Variants in ANKRD12 observed in about 807,000 individuals in gnomAD.
ANKRD12 encodes ankyrin repeat domain-containing protein 12.
In ANKRD12, 85 loss-of-function variants were observed where a neutral mutation model predicts 183.4. The observed-to-expected ratio is 0.46, with a 90% CI of 0.39 to 0.56. The LOEUF (loss-of-function observed/expected upper bound fraction) is 0.56. Ranked by LOEUF, ANKRD12 falls within the 20% of genes least tolerant of loss-of-function variation. The probability of loss-of-function intolerance (pLI) is 0.00; values close to 1 mark genes in which losing one functional copy is unlikely to be tolerated. For missense variants in ANKRD12, 2,405 were observed against 2,357.1 expected (o/e 1.02, Z -0.42); for synonymous variants, 914 against 800.2 (o/e 1.14, Z -2.40).
At chr18:9,156,766 C>T in intron 1 of ANKRD12, among the ~76,000 whole-genome samples, 1 of 152,092 alleles carries the variant, frequency 6.6e-6, no homozygotes, top group East Asian at 1.9e-4. Flanking sequence ...GAATATTACT[C>T]AGCTTTAAAA....
intron 8 of ANKRD12, among the ~76,000 whole-genome samples, chr18:9,253,661 C>T (rs1391127027): frequency 6.6e-6 from 1 of 152,146 alleles, no homozygotes; most frequent in Non-Finnish European, 1.5e-5. Flanking sequence ...CAGGTTATCT[C>T]TTCAGTATAC....
In ANKRD12 at chr18:9,157,635, C is replaced by T. The variant is rs868501949; in HGVS notation, c.-52+20670C>T. On this transcript the variant is annotated intron_variant, in intron 1 of 12. Coordinates refer to ENST00000262126, the MANE Select transcript of ANKRD12 (RefSeq NM_015208.5). ...TTTTTTTTTTTGAGATGGAGTCTTG[C>T]TCTGTCTCCCAGGCTGGAGTGCAGT... Among the ~76,000 whole-genome samples the T allele has an allele frequency of 2.6e-3, 321 of 123,708 alleles. 1 individual carries two copies. The highest frequency in any genetic ancestry group is 9.8e-3 in the African/African-American group (309 of 31,672). The allele number at this position is 123,708 out of a possible 152,430, so 81.2% of individuals were successfully genotyped here. A position where few individuals can be genotyped will look rare whatever the true frequency, so the allele number is the denominator to read the frequency against.
chr18:9,189,485 A>G (rs1269885683), intron 2 of ANKRD12, among the ~76,000 whole-genome samples: 3 of 152,252 alleles, frequency 2.0e-5, no homozygotes, highest in East Asian at 3.8e-4. Context: ...ATAGCCTTCT[A>G]TTGGAAAAAG....
chr18:9,263,800 C>G lies in ANKRD12; in HGVS notation c.5675C>G (p.Pro1892Arg). 1 of 1,557,422 alleles carries G rather than the reference C, an allele frequency of 6.4e-7. No individual in the cohort carries two copies. Among genetic ancestry groups the G allele is most frequent in the Non-Finnish European group, 8.7e-7 (1 of 1,143,628 alleles). Residue 1892 changes from proline to arginine, a missense_variant, in exon 10 of 13, where the codon CCA (proline) becomes CGA (arginine). Physicochemically the swap from Pro to Arg is moderately radical, Grantham distance 103. This residue lies in a region of ANKRD12 where 162 missense variants were observed against 272.2 expected (regional missense o/e 0.60). Transcript: ENST00000262126. ...TATCTTTTTAATTAGATTACACCAC[C>G]ACCTTCACTGTCAGATCCACTTAAA... is the stretch of plus-strand genomic sequence containing the variant. ...SKICIPTITP[P>R]PSLSDPLKEL...
In ANKRD12 at chr18:9,256,005, A is replaced by C; in HGVS notation, c.2738A>C (p.Lys913Thr). 6.4e-7 allele frequency: 1 copy of C among 1,562,744 alleles called. No individual in the cohort carries two copies. Among genetic ancestry groups the C allele is most frequent in the Non-Finnish European group, 8.6e-7 (1 of 1,163,876 alleles). ...SREKMDRKHD[K>T]EKPEKERHLA... is the part of the protein sequence containing the mutation. ...GAAAAGATGGATAGGAAACATGACAAAGAAAAGCCTGAAAAAGAGAGGCAT... is the reference window on the plus strand; with the variant it reads ...GAAAAGATGGATAGGAAACATGACACAGAAAAGCCTGAAAAAGAGAGGCAT... The change falls in exon 9 of 13, where the codon AAA (lysine) becomes ACA (threonine). Residue 913 changes from lysine to threonine, a missense_variant. By Grantham distance (78) the Lys-to-Thr change is moderately conservative. Coordinates refer to ENST00000262126, the MANE Select transcript of ANKRD12 (RefSeq NM_015208.5).
chr18:9,263,984 AT>A, intron 10 of ANKRD12, 96 bp downstream of exon 10: 1 of 1,062,368 alleles, frequency 9.4e-7, no homozygotes, highest in Non-Finnish European at 1.3e-6. Flanking sequence ...GATTTTTAAA[AT>A]TTAGAACCAT....
intron 3 of ANKRD12, among the ~76,000 whole-genome samples, chr18:9,197,068 G>C (rs2144437628): frequency 6.6e-6 from 1 of 152,080 alleles, no homozygotes; most frequent in East Asian, 1.9e-4. Flanking sequence ...AATGGATTTT[G>C]ATAAATTCAA....
chr18:9,205,189 A>G (rs1471839999), intron 4 of ANKRD12, among the ~76,000 whole-genome samples: 6 of 152,202 alleles, frequency 3.9e-5, no homozygotes, highest in African/African-American at 1.4e-4. Context: ...AAGAGGATAT[A>G]CAAGTACTGT....
chr18:9,203,527 T>C (rs566268264), intron 3 of ANKRD12, among the ~76,000 whole-genome samples: 2 of 152,302 alleles, frequency 1.3e-5, no homozygotes, highest in East Asian at 3.9e-4. Context: ...CAAAGTCAAT[T>C]GTCCATATTC....
chr18:9,219,156 G>T (rs2036278747), intron 7 of ANKRD12, among the ~76,000 whole-genome samples: 1 of 152,182 alleles, frequency 6.6e-6, no homozygotes, highest in South Asian at 2.1e-4. Flanking sequence ...ATATGTGAAT[G>T]AACCAGCTGT....
chr18:9,142,882 CA>C (rs57004852), intron 1 of ANKRD12, among the ~76,000 whole-genome samples: 117,962 of 149,478 alleles, frequency 0.79, 46,451 homozygotes, highest in Middle Eastern at 0.88. Flanking sequence ...ATACTGCCTC[CA>C]AAAAAAAAAA....
intron 2 of ANKRD12, among the ~76,000 whole-genome samples, chr18:9,182,780 T>G (rs1011563403): frequency 1.3e-5 from 2 of 152,128 alleles, no homozygotes; most frequent in Non-Finnish European, 2.9e-5. Context: ...AAAATTTTTA[T>G]TATTAGTCAT....
chr18:9,264,976 ATC>A (rs780517433), intron 10 of ANKRD12, among the ~76,000 whole-genome samples: 18 of 152,264 alleles, frequency 1.2e-4, no homozygotes, highest in Non-Finnish European at 2.2e-4. Flanking sequence ...CCAGGAGATT[ATC>A]TCCTGCGCCT....
At chr18:9,144,274 C>T (rs772490706) in intron 1 of ANKRD12, among the ~76,000 whole-genome samples, 3 of 152,056 alleles carry the variant, frequency 2.0e-5, no homozygotes, top group South Asian at 2.1e-4. Context: ...GTTATTAATT[C>T]TCCAACCTCC....
intron 6 of ANKRD12, 109 bp downstream of exon 6, chr18:9,211,893 TA>T: frequency 1.0e-6 from 1 of 958,538 alleles, no homozygotes; most frequent in Non-Finnish European, 1.5e-6. Flanking sequence ...GAAAGAGTTC[TA>T]AAAATACTCT....
intron 9 of ANKRD12, chr18:9,259,710 AAC>A (rs796287483): frequency 3.1e-4 from 47 of 152,266 alleles, no homozygotes; most frequent in African/African-American, 1.0e-3. Flanking sequence ...AAAGCAGCAA[AAC>A]ACAGCACAAT....
chr18:9,214,810 T>C (rs1430310144), intron 6 of ANKRD12, among the ~76,000 whole-genome samples: 1 of 152,200 alleles, frequency 6.6e-6, no homozygotes, highest in Non-Finnish European at 1.5e-5. Context: ...GGAGCTATGC[T>C]AGTGGGTTTG....
Position 9,255,792 on chromosome 18 carries a change from AAAAAG to A in ANKRD12, c.2533_2537del (p.Lys845AspfsTer4), listed in dbSNP as rs1222097173. ...GAGAAGATGGAAAGAAAAACCTTTG[AAAAAG>A]AAAAGAAGATAAAACATGAGCATAA... is the stretch of plus-strand genomic sequence containing the variant. On this transcript the variant is annotated frameshift_variant, in exon 9 of 13. Transcript: ENST00000262126. LOFTEE classifies it high-confidence loss of function. 1.3e-6 allele frequency: 2 copies of A among 1,576,378 alleles called. No individual in the cohort carries two copies. The highest frequency in any genetic ancestry group is 2.3e-5 in the East Asian group (1 of 44,434).
chr18:9,261,551 T>A (rs555690989), intron 9 of ANKRD12, among the ~76,000 whole-genome samples: 20 of 152,330 alleles, frequency 1.3e-4, no homozygotes, highest in Non-Finnish European at 2.9e-5. Flanking sequence ...CAGAGTAGAC[T>A]GCAGCCTGTA....
Sources: gnomAD v4.1 joint callset for allele counts (sites outside exome capture counted in the v4.1 genomes callset) on GRCh38, gnomAD v4.1.1 for gene constraint, gnomAD v4.1.1 regional missense constraint, MANE v1.5 for transcripts, NCBI Gene and HGNC (gene_info 2026-07-23, HGNC 2026-07-21) for gene names.